Variants in COL12A1 observed in about 807,000 individuals in gnomAD.
The protein encoded by COL12A1 is collagen type XII alpha 1 chain.
In COL12A1, 114 loss-of-function variants were observed where a neutral mutation model predicts 349.7. The observed-to-expected ratio is 0.33, with a 90% CI of 0.28 to 0.38. The LOEUF (loss-of-function observed/expected upper bound fraction) is 0.38. COL12A1 is among the 10% of genes least tolerant of loss of function. The pLI, the probability that COL12A1 is intolerant of heterozygous loss-of-function variation, is 1.00. For missense variants in COL12A1, 3,284 were observed against 3,756.9 expected, an observed-to-expected ratio of 0.87 and a Z score of 3.29; for synonymous variants, 1,369 against 1,329.0, an observed-to-expected ratio of 1.03 and a Z score of -0.66.
At chr6:75,103,692 A>G (rs1768413423) in intron 55 of COL12A1, 65 bp downstream of exon 55, 5 of 1,458,160 alleles carry the variant, frequency 3.4e-6, no homozygotes, top group Non-Finnish European at 4.8e-6. Context: ...CCCCTTTGTG[A>G]AAATTTGAAC....
At position 75,151,990 on chromosome 6, in the gene COL12A1, G is replaced by T; in HGVS notation, c.3877C>A (p.Gln1293Lys). The T allele has an allele frequency of 6.2e-7, 1 of 1,613,876 alleles. No individual in the cohort carries two copies. The highest frequency in any genetic ancestry group is 8.5e-7 in the Non-Finnish European group (1 of 1,179,830). The change falls in exon 20 of 66, where the codon CAA (glutamine) becomes AAA (lysine). Residue 1293 changes from glutamine (Q) to lysine (K), a missense_variant. Gln to Lys is a moderately conservative substitution (Grantham distance 53). This residue lies in a region of COL12A1 where 2,601 missense variants were observed against 2,824.8 expected (regional missense o/e 0.92). Transcript: ENST00000322507. ...CGAGCTCGAGGTCTCATGCCAGCTT[G>T]GGTCCTGAAGTTCTGTTGGCGAATG... ...NFIRQQNFRT[Q>K]AGMRPRARKI...
chr6:75,124,421 G>A (rs2149374391), intron 40 of COL12A1, 50 bp from the exon 41 acceptor site: 1 of 1,373,058 alleles, frequency 7.3e-7, no homozygotes, highest in Non-Finnish European at 1.0e-6. Context: ...GAGGCAAAAA[G>A]TGTACTTTTA....
At chr6:75,159,912 A>T (rs1366255954) in intron 14 of COL12A1, among the ~76,000 whole-genome samples, 2 of 152,180 alleles carry the variant, frequency 1.3e-5, no homozygotes, top group African/African-American at 4.8e-5. Flanking sequence ...AATAACAGCC[A>T]AAAGTGATAT....
At position 75,115,879 on chromosome 6, in the gene COL12A1, A is replaced by G; in HGVS notation, c.7602T>C (p.Phe2534=). 3 of 1,613,670 alleles carry G rather than the reference A, an allele frequency of 1.9e-6. No homozygotes were observed. The highest frequency in any genetic ancestry group is 2.5e-6 in the Non-Finnish European group (3 of 1,179,708). ...LEAYNLTEKN[F]ASVQGVSLES... ...CCAAAGATACTCCTTGTACAGAAGC[A>G]AAATTCTTTTCTGTCAGGTTGTATG... The change falls in exon 49 of 66, where the codon TTT becomes TTC. Residue 2534 remains phenylalanine (F), a synonymous_variant. Transcript: ENST00000322507.
chr6:75,085,503 C>A lies in COL12A1; in HGVS notation c.*1044G>T. 3.2e-6 allele frequency: 1 copy of A among 307,736 alleles called. No homozygotes were observed. Among genetic ancestry groups the A allele is most frequent in the Non-Finnish European group, 6.9e-6 (1 of 144,976 alleles). 19.1% of individuals were successfully genotyped at this position (307,736 alleles called of 1,614,324 possible). On this transcript the variant is annotated 3_prime_UTR_variant, in exon 66 of 66. Coordinates refer to ENST00000322507, the MANE Select transcript of COL12A1 (RefSeq NM_004370.6). ...CTATAAATAGATAAGTTACAATGTC[C>A]CAATTATTTCCAGATAATTTGGTGA...
rs1769044982 is a variant in COL12A1 at position 75,177,837 on chromosome 6, T to C, written c.2263A>G (p.Ile755Val). The C allele has an allele frequency of 6.2e-7, 1 of 1,614,132 alleles. No homozygotes were observed. The change falls in exon 12 of 66, where the codon ATT becomes GTT. Residue 755 changes from isoleucine to valine, a missense_variant. Coordinates refer to ENST00000322507, the MANE Select transcript of COL12A1 (RefSeq NM_004370.6). ...CCACCAGCAACTGGTCTATATATAATTCGATATCTTAAAACTCTCCCTGGA... is the reference window on the plus strand; with the variant it reads ...CCACCAGCAACTGGTCTATATATAACTCGATATCTTAAAACTCTCCCTGGA... ...QAPGRVLRYRIIYRPVAGGES... is the reference protein window; with the variant it reads ...QAPGRVLRYRVIYRPVAGGES...
At chr6:75,154,592 C>T in intron 16 of COL12A1, 55 bp from the exon 17 acceptor site, 2 of 1,512,556 alleles carry the variant, frequency 1.3e-6, no homozygotes, top group Non-Finnish European at 1.8e-6. Flanking sequence ...CAAGTGGTAG[C>T]ACTTTTTTTT....
Position 75,202,755 on chromosome 6 carries a change from C to A in COL12A1, c.38G>T (p.Gly13Val), listed in dbSNP as rs1289505265. 12 of 1,551,810 alleles carry A rather than the reference C, an allele frequency of 7.7e-6. No individual in the cohort carries two copies. Among genetic ancestry groups the A allele is most frequent in the Non-Finnish European group, 1.0e-5 (12 of 1,147,076 alleles). ...SRLPPALAAL[G>V]AALLLSSIEA... The stretch of plus-strand genomic sequence containing the variant: ...AATGGAAGACAGGAGCAGGGCCGCG[C>A]CCAGGGCGGCAAGCGCTGGGGGAAG... Residue 13 changes from glycine (G) to valine (V), a missense_variant, in exon 2 of 66, where the codon GGC becomes GTC. Physicochemically the swap from Gly to Val is moderately radical, Grantham distance 109 (BLOSUM62 -3). Coordinates refer to ENST00000322507, the MANE Select transcript of COL12A1 (RefSeq NM_004370.6).
At position 75,146,224 on chromosome 6, in the gene COL12A1, G is replaced by A. The variant is rs763980690; in HGVS notation, c.4438C>T (p.Leu1480=). The A allele has an allele frequency of 1.2e-6, 2 of 1,608,372 alleles. No homozygotes were observed. Among genetic ancestry groups the A allele is most frequent in the Non-Finnish European group, 1.7e-6 (2 of 1,177,910 alleles). The change falls in exon 24 of 66, where the codon CTG becomes TTG. Residue 1480 remains leucine (L), a synonymous_variant. Transcript: ENST00000322507. Reference sequence around the variant, plus strand: ...GTAGGGCCAACATCATAAATATTCAGGCTGACTACAGGCACTGGCACTTCC... The same window carrying A: ...GTAGGGCCAACATCATAAATATTCAAGCTGACTACAGGCACTGGCACTTCC... The part of the protein sequence containing the change: ...EKTLPVPVVS[L]NIYDVGPTTM...
At chr6:75,202,676 G>A (rs746372175) in intron 2 of COL12A1, 44 bp downstream of exon 2, 17 of 1,524,576 alleles carry the variant, frequency 1.1e-5, no homozygotes, top group Middle Eastern at 1.7e-4. Context: ...TTCCTTTCTC[G>A]AATTTTGCAT....
chr6:75,091,359 C>G lies in COL12A1; in HGVS notation c.8716G>C (p.Ala2906Pro). The G allele has an allele frequency of 6.2e-7, 1 of 1,613,748 alleles. No homozygotes were observed. Among genetic ancestry groups the G allele is most frequent in the Non-Finnish European group, 8.5e-7 (1 of 1,179,910 alleles). The change falls in exon 62 of 66, where the codon GCA (alanine) becomes CCA (proline). Residue 2906 changes from alanine to proline, a missense_variant. Transcript: ENST00000322507. ...TGTTCACAGACTTGTCTTGCAACTG[C>G]TCGCATCATGTTCTGGGAAGCAATG... Reference protein sequence around the residue: ...GDIASQNMMRAVARQVCEQLI... With the variant: ...GDIASQNMMRPVARQVCEQLI...
At chr6:75,199,950 A>G (rs1223590728) in intron 2 of COL12A1, among the ~76,000 whole-genome samples, 1 of 152,216 alleles carries the variant, frequency 6.6e-6, no homozygotes, top group Non-Finnish European at 1.5e-5. Flanking sequence ...TTTAATATAT[A>G]AAACATTAAG....
intron 47 of COL12A1, 129 bp from the exon 48 acceptor site, chr6:75,116,186 A>G: frequency 1.2e-6 from 1 of 867,708 alleles, no homozygotes; most frequent in Non-Finnish European, 1.8e-6. Flanking sequence ...TAACTTCTCA[A>G]TTTAATATTT....
At chr6:75,179,930 C>G (rs914834231) in intron 11 of COL12A1, among the ~76,000 whole-genome samples, 1 of 152,294 alleles carries the variant, frequency 6.6e-6, no homozygotes, top group South Asian at 2.1e-4. Context: ...GCAAAATGTG[C>G]ACACCATGTT....
At chr6:75,091,410 G>C in intron 61 of COL12A1, 21 bp from the exon 62 acceptor site, 1 of 1,612,896 alleles carries the variant, frequency 6.2e-7, no homozygotes, top group Non-Finnish European at 8.5e-7. Context: ...TAATGAGAAT[G>C]ATTAGCATAT....
intron 64 of COL12A1, 151 bp downstream of exon 64, chr6:75,088,954 TC>T: frequency 1.6e-6 from 1 of 618,090 alleles, no homozygotes. Flanking sequence ...TGAGCCAAGA[TC>T]GCGCCACTGC....
chr6:75,156,409 T>C lies in COL12A1; in HGVS notation c.3098A>G (p.His1033Arg), dbSNP rs1562242764. ...VVNYRVVYRP[H>R]GRGKQMVAKV... Reference sequence around the variant, plus strand: ...AGCAACCATTTGCTTCCCTCTCCCATGAGGGCGATAGACAACACGGTAGTT... The same window carrying C: ...AGCAACCATTTGCTTCCCTCTCCCACGAGGGCGATAGACAACACGGTAGTT... The change falls in exon 15 of 66, where the codon CAT (histidine) becomes CGT (arginine). Residue 1033 changes from histidine to arginine, a missense_variant. Physicochemically the swap from His to Arg is conservative, Grantham distance 29. This residue lies in a region of COL12A1 where 2,601 missense variants were observed against 2,824.8 expected (regional missense o/e 0.92). Coordinates refer to ENST00000322507, the MANE Select transcript of COL12A1 (RefSeq NM_004370.6). 2 of 1,614,004 alleles carry C rather than the reference T, an allele frequency of 1.2e-6. No homozygotes were observed. Among genetic ancestry groups the C allele is most frequent in the Non-Finnish European group, 8.5e-7 (1 of 1,179,920 alleles).
At chr6:75,091,178 C>G (rs1286434428) in intron 62 of COL12A1, 145 bp downstream of exon 62, 1 of 653,750 alleles carries the variant, frequency 1.5e-6, no homozygotes, top group Non-Finnish European at 2.6e-6. Flanking sequence ...TAATCAGATA[C>G]AAAACTGACA....
At chr6:75,092,145 A>T (rs1767796073) in intron 60 of COL12A1, among the ~76,000 whole-genome samples, 1 of 152,198 alleles carries the variant, frequency 6.6e-6, no homozygotes, top group Non-Finnish European at 1.5e-5. Context: ...TGGGAGTTGA[A>T]CAATGAGAAC....
Sources: gnomAD v4.1 joint callset for allele counts (sites outside exome capture counted in the v4.1 genomes callset) on GRCh38, gnomAD v4.1.1 for gene constraint, gnomAD v4.1.1 regional missense constraint, MANE v1.5 for transcripts, NCBI Gene and HGNC (gene_info 2026-07-23, HGNC 2026-07-21) for gene names.